FMO1: variants seen among roughly 807,000 people sequenced by gnomAD.
FMO1 encodes the protein flavin-containing monooxygenase 1.
In FMO1, 36 loss-of-function variants were observed where a neutral mutation model predicts 45.4. The observed-to-expected ratio is 0.79, with a 90% confidence interval of 0.61 to 1.05. The LOEUF (loss-of-function observed/expected upper bound fraction) is 1.05, where lower values mean the gene tolerates loss of function less well. Ranked by LOEUF, FMO1 falls within the 50% of genes least tolerant of loss-of-function variation. The probability of loss-of-function intolerance (pLI) is 0.00; values close to 1 mark genes in which losing one functional copy is unlikely to be tolerated. For synonymous variants in FMO1, 228 were observed against 227.2 expected, an observed-to-expected ratio of 1.00 and a Z score of -0.03; for missense variants, 615 against 640.3, an observed-to-expected ratio of 0.96 and a Z score of 0.43.
chr1:171,273,197 C>G (rs1007437938), intron 3 of FMO1, among the ~76,000 whole-genome samples: 2 of 152,140 alleles, frequency 1.3e-5, no homozygotes, highest in African/African-American at 4.8e-5. Context: ...ATGACTTGCT[C>G]CTCTTTGCTC....
At chr1:171,255,757 C>T (rs1660119931) in intron 1 of FMO1, among the ~76,000 whole-genome samples, 1 of 152,138 alleles carries the variant, frequency 6.6e-6, no homozygotes, top group African/African-American at 2.4e-5. Flanking sequence ...AATGGCTCCT[C>T]ACCCTCCCCT....
intron 1 of FMO1, among the ~76,000 whole-genome samples, chr1:171,256,347 T>C (rs1660156849): frequency 1.4e-5 from 2 of 147,122 alleles, no homozygotes; most frequent in African/African-American, 5.1e-5. Context: ...TCAAAAGGGG[T>C]AAGTCATTTT....
At chr1:171,283,745 A>G (rs923253349) in intron 8 of FMO1, among the ~76,000 whole-genome samples, 1 of 152,206 alleles carries the variant, frequency 6.6e-6, no homozygotes, top group Non-Finnish European at 1.5e-5. Flanking sequence ...AAAAAATCAT[A>G]TGAAATGGAA....
chr1:171,256,049 T>C (rs570209293), intron 1 of FMO1, among the ~76,000 whole-genome samples: 104 of 152,124 alleles, frequency 6.8e-4, no homozygotes, highest in African/African-American at 2.4e-3. Flanking sequence ...TGAGGCAGGC[T>C]GATCACGAGG....
intron 1 of FMO1, 50 bp from the exon 2 acceptor site, chr1:171,258,032 G>C (rs372828130): frequency 2.5e-6 from 4 of 1,610,252 alleles, no homozygotes; most frequent in Admixed American, 3.3e-5. Context: ...AGCAGCCAAG[G>C]GTGGGGTGGA....
chr1:171,263,290 G>A (rs569296485), intron 2 of FMO1, among the ~76,000 whole-genome samples: 68 of 152,270 alleles, frequency 4.5e-4, no homozygotes, highest in Middle Eastern at 3.4e-3. Context: ...ATTTCTCCTA[G>A]GGGCTATGTA....
intron 1 of FMO1, among the ~76,000 whole-genome samples, chr1:171,256,138 T>A (rs1237411612): frequency 2.0e-5 from 3 of 151,856 alleles, no homozygotes; most frequent in Admixed American, 1.3e-4. Flanking sequence ...CCAGGCATGG[T>A]GGCGGGCGCC....
chr1:171,268,496 A>G (rs1203389416), intron 3 of FMO1, among the ~76,000 whole-genome samples: 2 of 152,234 alleles, frequency 1.3e-5, no homozygotes, highest in East Asian at 3.9e-4. Flanking sequence ...TGAGAATAGA[A>G]AAATCTTTGA....
chr1:171,251,461 C>G (rs760545918), intron 1 of FMO1: 4 of 151,018 alleles, frequency 2.6e-5, no homozygotes, highest in Non-Finnish European at 4.4e-5. Context: ...GTGTGAGAGG[C>G]GCTGCCGCAG....
chr1:171,279,423 C>T (rs1268276348), intron 5 of FMO1, among the ~76,000 whole-genome samples: 1 of 152,124 alleles, frequency 6.6e-6, no homozygotes, highest in Non-Finnish European at 1.5e-5. Context: ...CTGTTAGTAT[C>T]CTTGACTGCA....
chr1:171,281,061 C>T lies in FMO1; in HGVS notation c.827+76C>T, dbSNP rs571227196. 70 of 1,166,722 alleles carry T rather than the reference C, an allele frequency of 6.0e-5. No individual in the cohort carries two copies. The Admixed American group carries it at 1.2e-3, about 20-fold the overall frequency. The allele number at this position is 1,166,722 out of a possible 1,614,324, so 72.3% of individuals were successfully genotyped here. A position where few individuals can be genotyped will look rare whatever the true frequency, so the allele number is the denominator to read the frequency against. On this transcript the variant is annotated intron_variant, in intron 6 of 8. Transcript: ENST00000617670. ...TGTCCAGCAGCCTATACAAGCCAGG[C>T]AGTACCACAGCAACATGGCTGAATG... is the stretch of plus-strand genomic sequence containing the variant.
chr1:171,264,333 T>TACAC lies in FMO1; in HGVS notation c.133-3209_133-3208insCACA, dbSNP rs566398412. Among the ~76,000 whole-genome samples, 337 of 147,794 alleles carry TACAC rather than the reference T, an allele frequency of 2.3e-3. 2 individuals carry two copies. The highest frequency in any genetic ancestry group is 7.4e-3 in the African/African-American group (299 of 40,658). On this transcript the variant is annotated intron_variant, in intron 2 of 8. Transcript: ENST00000617670. ...TTTAATTTGTGTGTGTGTATATATATATACACACACACACACACATTTATA... is the reference window on the plus strand; with the variant it reads ...TTTAATTTGTGTGTGTGTATATATATACACATACACACACACACACACATTTATA...
chr1:171,285,057 T>C (rs1297695155), intron 8 of FMO1, 145 bp from the exon 9 acceptor site: 1 of 551,638 alleles, frequency 1.8e-6, no homozygotes, highest in Non-Finnish European at 3.1e-6. Context: ...AAGGAGACCG[T>C]TAGATAGGTA....
chr1:171,271,588 T>G (rs1475855745), intron 3 of FMO1: 2 of 785,304 alleles, frequency 2.5e-6, no homozygotes. Flanking sequence ...CCTTTGCCAA[T>G]GTTTAGTTAT....
Position 171,285,360 on chromosome 1 carries a change from A to G in FMO1, c.1415A>G (p.Gln472Arg), listed in dbSNP as rs942402879. ...TVFFGPCSPY[Q>R]FRLTGPGKWE... ...TTCTTTGGCCCATGCTCACCATACC[A>G]GTTCCGCTTGACTGGCCCAGGAAAA... The change falls in exon 9 of 9, where the codon CAG (glutamine) becomes CGG (arginine). Residue 472 changes from glutamine (Q) to arginine (R), a missense_variant. Transcript: ENST00000617670. 1 of 1,613,996 alleles carries G rather than the reference A, an allele frequency of 6.2e-7. No individual in the cohort carries two copies. Among genetic ancestry groups the G allele is most frequent in the Non-Finnish European group, 8.5e-7 (1 of 1,179,938 alleles).
chr1:171,278,905 A>G (rs944719667), intron 5 of FMO1, 34 bp downstream of exon 5: 3 of 1,536,810 alleles, frequency 2.0e-6, no homozygotes, highest in Non-Finnish European at 2.6e-6. Flanking sequence ...GAAGAGCTTT[A>G]TCTTAAGATG....
chr1:171,284,728 TAAAAAAA>T lies in FMO1; in HGVS notation c.1257-465_1257-459del, dbSNP rs36009487. On this transcript the variant is annotated intron_variant, in intron 8 of 8. Coordinates refer to ENST00000617670, the MANE Select transcript of FMO1 (RefSeq NM_001282693.2). ...GCCTAGGTGACAGAGCAAGACCTTG[TAAAAAAA>T]AAAAAAAAGAAAAAAGAAAAAAAGA... is the stretch of plus-strand genomic sequence containing the variant. 9.5e-4 allele frequency among the ~76,000 whole-genome samples: 102 copies of T among 106,862 alleles called. 1 individual carries two copies. Among genetic ancestry groups the T allele is most frequent in the African/African-American group, 3.0e-3 (97 of 31,962 alleles). 70.1% of individuals were successfully genotyped at this position (106,862 alleles called of 152,430 possible). A position where few individuals can be genotyped will look rare whatever the true frequency, so the allele number is the denominator to read the frequency against.
Position 171,285,268 on chromosome 1 carries a change from C to T in FMO1, c.1323C>T (p.Thr441=). 6.2e-7 allele frequency: 1 copy of T among 1,613,910 alleles called. No individual in the cohort carries two copies. The highest frequency in any genetic ancestry group is 8.5e-7 in the Non-Finnish European group (1 of 1,179,862). ...DYITYIDELL[T]YINAKPNLFS... ...TCACATACATAGATGAACTCCTGAC[C>T]TATATCAATGCAAAACCCAACCTGT... The change falls in exon 9 of 9, where the codon ACC becomes ACT. Residue 441 remains threonine, a synonymous_variant. Coordinates refer to ENST00000617670, the MANE Select transcript of FMO1 (RefSeq NM_001282693.2).
intron 1 of FMO1, among the ~76,000 whole-genome samples, chr1:171,254,554 G>A (rs1262818255): frequency 6.6e-6 from 1 of 152,094 alleles, no homozygotes; most frequent in African/African-American, 2.4e-5. Flanking sequence ...TGCCTACTTT[G>A]GGGAAACATA....
Sources: gnomAD v4.1 joint callset for allele counts (sites outside exome capture counted in the v4.1 genomes callset) on GRCh38, gnomAD v4.1.1 for gene constraint, MANE v1.5 for transcripts, NCBI Gene and HGNC (gene_info 2026-07-23, HGNC 2026-07-21) for gene names.